The following PAPPA2 variants were observed in gnomAD, a reference collection of about 807,000 sequenced individuals.
The protein encoded by PAPPA2 is pappalysin 2.
Under a neutral mutation model 176.4 loss-of-function variants are expected in PAPPA2, and 86 were observed. The ratio of observed to expected loss-of-function variants is 0.49; its 90% CI spans 0.41 to 0.58. The LOEUF (loss-of-function observed/expected upper bound fraction) is 0.58, where lower values mean the gene tolerates loss of function less well. Among genes scored for constraint, PAPPA2 ranks in the 20% least tolerant of loss-of-function variants. The pLI, the probability that PAPPA2 is intolerant of heterozygous loss-of-function variation, is 0.00. For missense variants in PAPPA2, 2,073 were observed against 2,256.9 expected, an observed-to-expected ratio of 0.92 and a Z score of 1.65; for synonymous variants, 809 against 852.2, an observed-to-expected ratio of 0.95 and a Z score of 0.88.
At position 176,791,376 on chromosome 1, in the gene PAPPA2, G is replaced by A. The variant is rs767492652; in HGVS notation, c.4914G>A (p.Leu1638=). The A allele has an allele frequency of 1.9e-6, 3 of 1,611,364 alleles. No individual in the cohort carries two copies. The highest frequency in any genetic ancestry group is 2.5e-6 in the Non-Finnish European group (3 of 1,177,690). The change falls in exon 19 of 23, where the codon CTG becomes CTA. Residue 1638 remains leucine, a synonymous_variant. Transcript: ENST00000367662. ...CCATCCTCTGCACTAAAGAGGGCCT[G>A]TGGACCCAGGAGTTTAAGTTGTGTG... is the stretch of plus-strand genomic sequence containing the variant. ...KLPILCTKEG[L]WTQEFKLCEN...
In PAPPA2 at chr1:176,557,015, C is replaced by G; in HGVS notation, c.693C>G (p.Val231=). The G allele has an allele frequency of 6.2e-7, 1 of 1,613,962 alleles. No homozygotes were observed. Among genetic ancestry groups the G allele is most frequent in the Non-Finnish European group, 8.5e-7 (1 of 1,179,990 alleles). ...PWPKHSLKHR[V]KKSPPEESNQ... is the part of the protein sequence containing the mutation. Reference sequence around the variant, plus strand: ...CCAAGCATTCCCTTAAACACAGGGTCAAAAAGAGTCCACCGGAGGAAAGCA... The same window carrying G: ...CCAAGCATTCCCTTAAACACAGGGTGAAAAAGAGTCCACCGGAGGAAAGCA... The change falls in exon 2 of 23, where the codon GTC becomes GTG. Residue 231 remains valine, a synonymous_variant. Coordinates refer to ENST00000367662, the MANE Select transcript of PAPPA2 (RefSeq NM_020318.3).
chr1:176,827,539 T>C (rs1160595796), intron 21 of PAPPA2, among the ~76,000 whole-genome samples: 1 of 152,186 alleles, frequency 6.6e-6, no homozygotes, highest in Non-Finnish European at 1.5e-5. Context: ...CTTTCTAAAA[T>C]GCTCCAGGCA....
intron 18 of PAPPA2, 29 bp downstream of exon 18, chr1:176,790,006 A>C (rs781067786): frequency 5.0e-6 from 8 of 1,610,232 alleles, no homozygotes; most frequent in Middle Eastern, 1.7e-4. Context: ...ACTTATTTTC[A>C]TCAGGCTGTG....
chr1:176,585,491 A>G (rs953257014), intron 2 of PAPPA2, among the ~76,000 whole-genome samples: 1 of 152,020 alleles, frequency 6.6e-6, no homozygotes, highest in African/African-American at 2.4e-5. Flanking sequence ...ATATTTGGAG[A>G]TTTTGAGTTT....
At chr1:176,746,828 A>G (rs967823502) in intron 14 of PAPPA2, among the ~76,000 whole-genome samples, 1 of 152,158 alleles carries the variant, frequency 6.6e-6, no homozygotes, top group African/African-American at 2.4e-5. Context: ...TTTAAAATAA[A>G]TATCCATATG....
At chr1:176,570,462 A>G (rs1469381188) in intron 2 of PAPPA2, among the ~76,000 whole-genome samples, 1 of 152,220 alleles carries the variant, frequency 6.6e-6, no homozygotes, top group Non-Finnish European at 1.5e-5. Context: ...CTTCATGCAG[A>G]ATAATAGTAA....
intron 3 of PAPPA2, among the ~76,000 whole-genome samples, chr1:176,637,378 G>T (rs1656765765): frequency 3.3e-5 from 5 of 152,222 alleles, no homozygotes; most frequent in Middle Eastern, 3.4e-3. Flanking sequence ...GTTGGAGGAA[G>T]GATAACCTGG....
At chr1:176,671,502 C>T (rs754184697) in intron 4 of PAPPA2, among the ~76,000 whole-genome samples, 2 of 152,114 alleles carry the variant, frequency 1.3e-5, no homozygotes, top group Non-Finnish European at 2.9e-5. Flanking sequence ...TGATGGGCTT[C>T]TTGTATGGTG....
At chr1:176,828,688 A>G (rs987393662) in intron 21 of PAPPA2, among the ~76,000 whole-genome samples, 77 of 152,094 alleles carry the variant, frequency 5.1e-4, no homozygotes, top group African/African-American at 1.8e-3. Flanking sequence ...AGAGAATAAA[A>G]GAGAGAAAAC....
At chr1:176,531,266 T>C (rs1463450043) in intron 1 of PAPPA2, among the ~76,000 whole-genome samples, 2 of 152,192 alleles carry the variant, frequency 1.3e-5, no homozygotes, top group Non-Finnish European at 2.9e-5. Context: ...CTTGCTCCTG[T>C]GGGATGTTCA....
intron 12 of PAPPA2, among the ~76,000 whole-genome samples, chr1:176,713,884 T>A (rs1270993160): frequency 6.6e-6 from 1 of 152,322 alleles, no homozygotes; most frequent in Admixed American, 6.5e-5. Context: ...AACCTTATTT[T>A]TTGACTTTTA....
rs201332081 is a variant in PAPPA2, at chr1:176,557,030, G to A, written c.708G>A (p.Pro236=). Residue 236 remains proline (P), a synonymous_variant, in exon 2 of 23, where the codon CCG becomes CCA. Transcript: ENST00000367662. The part of the protein sequence containing the change: ...SLKHRVKKSP[P]EESNQNGGEG... ...AACACAGGGTCAAAAAGAGTCCACC[G>A]GAGGAAAGCAACCAAAATGGTGGAG... 218 of 1,614,046 alleles carry A rather than the reference G, an allele frequency of 1.4e-4. No homozygotes were observed. The African/African-American group carries it at 1.9e-3, about 14-fold the overall frequency.
At chr1:176,690,567 T>A in intron 5 of PAPPA2, 137 bp downstream of exon 5, 1 of 1,446,028 alleles carries the variant, frequency 6.9e-7, no homozygotes, top group Non-Finnish European at 9.1e-7. Flanking sequence ...GTATTTATTA[T>A]AAGGTATTAT....
At chr1:176,485,857 T>A (rs1652623227) in intron 1 of PAPPA2, among the ~76,000 whole-genome samples, 1 of 152,168 alleles carries the variant, frequency 6.6e-6, no homozygotes, top group Non-Finnish European at 1.5e-5. Context: ...ACATGAAATT[T>A]CACAGAAAAG....
rs554008455 is a variant in PAPPA2 at position 176,734,375 on chromosome 1, T to G, written c.3799-5251T>G. Among the ~76,000 whole-genome samples, 3 of 148,200 alleles carry G rather than the reference T, an allele frequency of 2.0e-5. No individual in the cohort carries two copies. The Admixed American group carries it at 2.0e-4, about 10-fold the overall frequency. On this transcript the variant is annotated intron_variant, in intron 12 of 22. Transcript: ENST00000367662. ...CCCCTTCATTTCAAAAAATTATGAG[T>G]TGATCTCACCCTTCTGAAACACACA...
chr1:176,582,431 A>G (rs1249467440), intron 2 of PAPPA2, among the ~76,000 whole-genome samples: 1 of 152,178 alleles, frequency 6.6e-6, no homozygotes, highest in Non-Finnish European at 1.5e-5. Context: ...TTCCCTGTTC[A>G]GTACGATATT....
chr1:176,719,210 A>G (rs12140945), intron 12 of PAPPA2, among the ~76,000 whole-genome samples: 62,305 of 147,332 alleles, frequency 0.42, 13,746 homozygotes, highest in African/African-American at 0.58. Context: ...TATCTAAAAG[A>G]TTTTTTTTTT....
At chr1:176,795,802 A>G (rs1665402051) in intron 20 of PAPPA2, among the ~76,000 whole-genome samples, 1 of 152,230 alleles carries the variant, frequency 6.6e-6, no homozygotes, top group African/African-American at 2.4e-5. Flanking sequence ...TGGATACATG[A>G]AATAGGTTTG....
chr1:176,762,488 C>A (rs1663744352), intron 14 of PAPPA2, among the ~76,000 whole-genome samples: 1 of 152,156 alleles, frequency 6.6e-6, no homozygotes, highest in Non-Finnish European at 1.5e-5. Flanking sequence ...CGAAGTCACT[C>A]AAAAACAGCA....
Sources: gnomAD v4.1 joint callset for allele counts (sites outside exome capture counted in the v4.1 genomes callset) on GRCh38, gnomAD v4.1.1 for gene constraint, MANE v1.5 for transcripts, NCBI Gene and HGNC (gene_info 2026-07-23, HGNC 2026-07-21) for gene names.